CFH: variants seen among roughly 807,000 people sequenced by gnomAD.
CFH encodes the protein H factor 1 (complement).
Under a neutral mutation model 147.3 loss-of-function variants are expected in CFH, and 53 were observed. The ratio of observed to expected loss-of-function variants is 0.36; its 90% confidence interval spans 0.29 to 0.45. CFH has a LOEUF of 0.45. Among genes scored for constraint, CFH ranks in the 20% least tolerant of loss-of-function variants. The pLI is 1.00. For missense variants in CFH, 1,380 were observed against 1,498.0 expected (o/e 0.92, Z 1.30); for synonymous variants, 536 against 489.4 (o/e 1.10, Z -1.26).
intron 9 of CFH, among the ~76,000 whole-genome samples, chr1:196,692,084 T>C (rs1204799920): frequency 2.6e-5 from 4 of 152,012 alleles, no homozygotes; most frequent in Non-Finnish European, 5.9e-5. Flanking sequence ...GCACTATTAG[T>C]AAACAATTTT....
At chr1:196,698,095 G>A in intron 9 of CFH, among the ~76,000 whole-genome samples, 1 of 152,002 alleles carries the variant, frequency 6.6e-6, no homozygotes, top group East Asian at 1.9e-4. Context: ...CATGGCACAT[G>A]TATACATATG....
chr1:196,717,340 A>G (rs1668895161), intron 11 of CFH, among the ~76,000 whole-genome samples: 1 of 152,138 alleles, frequency 6.6e-6, no homozygotes, highest in Non-Finnish European at 1.5e-5. Flanking sequence ...TTAGCAGACT[A>G]AAATATTTAT....
intron 11 of CFH, among the ~76,000 whole-genome samples, chr1:196,719,527 T>G (rs1668948656): frequency 6.6e-6 from 1 of 151,978 alleles, no homozygotes; most frequent in Admixed American, 6.6e-5. Flanking sequence ...AGAATAGTTT[T>G]AAATCTAATT....
intron 6 of CFH, 35 bp downstream of exon 6, chr1:196,679,828 T>A: frequency 1.3e-6 from 2 of 1,557,064 alleles, no homozygotes; most frequent in Non-Finnish European, 1.8e-6. Flanking sequence ...TCTTTATAAA[T>A]TTATCACATA....
rs1668823832 is a variant in CFH, at chr1:196,714,701, A to AGAGAGAGAGAGAGAGAGAGG, written c.1519+802_1519+803insGGGAGAGAGAGAGAGAGAGA. The stretch of plus-strand genomic sequence containing the variant: ...GAGAGAGAGAGAGAGAGAGAGAGAG[A>AGAGAGAGAGAGAGAGAGAGG]GAGAGAGAGAGAGAGAGATGGAGTC... On this transcript the variant is annotated intron_variant, in intron 10 of 21. Coordinates refer to ENST00000367429, the MANE Select transcript of CFH (RefSeq NM_000186.4). 6.8e-4 allele frequency among the ~76,000 whole-genome samples: 47 copies of AGAGAGAGAGAGAGAGAGAGG among 69,244 alleles called. 4 individuals are homozygous for AGAGAGAGAGAGAGAGAGAGG. Among genetic ancestry groups the AGAGAGAGAGAGAGAGAGAGG allele is most frequent in the African/African-American group, 1.7e-3 (27 of 15,538 alleles). 45.4% of individuals were successfully genotyped at this position (69,244 alleles called of 152,430 possible). A position where few individuals can be genotyped will look rare whatever the true frequency, so the allele number is the denominator to read the frequency against.
intron 1 of CFH, among the ~76,000 whole-genome samples, chr1:196,668,304 T>G (rs1380983493): frequency 6.6e-6 from 1 of 152,218 alleles, no homozygotes; most frequent in Non-Finnish European, 1.5e-5. Flanking sequence ...CTATTTGCTT[T>G]CATTTTTGAA....
chr1:196,675,021 T>C (rs1667408353), intron 3 of CFH, among the ~76,000 whole-genome samples: 1 of 152,184 alleles, frequency 6.6e-6, no homozygotes. Flanking sequence ...CTTCAATCAT[T>C]ACTGCTGATC....
In CFH at chr1:196,728,424, A is replaced by C. The variant is rs1291226980; in HGVS notation, c.2315A>C (p.Asp772Ala). ...EEHLKNKKEFDHNSNIRYRCR... is the reference protein window; with the variant it reads ...EEHLKNKKEFAHNSNIRYRCR... Reference sequence around the variant, plus strand: ...CATTTAAAAAACAAGAAGGAATTCGATCATAATTCTAACATAAGGTACAGA... The same window carrying C: ...CATTTAAAAAACAAGAAGGAATTCGCTCATAATTCTAACATAAGGTACAGA... Residue 772 changes from aspartate to alanine, a missense_variant, in exon 15 of 22, where the codon GAT (aspartate) becomes GCT (alanine). Asp to Ala is a moderately radical substitution (Grantham distance 126). Around this residue, in one of 4 missense-constraint regions of CFH, gnomAD observed 830 missense variants for 821.4 expected, o/e 1.01. Transcript: ENST00000367429. 5.6e-6 allele frequency: 9 copies of C among 1,609,940 alleles called. No homozygotes were observed. The highest frequency in any genetic ancestry group is 7.6e-6 in the Non-Finnish European group (9 of 1,177,280).
intron 9 of CFH, among the ~76,000 whole-genome samples, chr1:196,711,351 A>G (rs1558171924): frequency 6.6e-6 from 1 of 152,090 alleles, no homozygotes; most frequent in Non-Finnish European, 1.5e-5. Flanking sequence ...CCATTCCACA[A>G]CTTTTGATAT....
In CFH at chr1:196,747,172, C is replaced by T. The variant is rs1164010446; in HGVS notation, c.3555C>T (p.Ala1185=). 6.2e-7 allele frequency: 1 copy of T among 1,613,584 alleles called. No homozygotes were observed. Among genetic ancestry groups the T allele is most frequent in the Non-Finnish European group, 8.5e-7 (1 of 1,179,806 alleles). The change falls in exon 22 of 22, where the codon GCC becomes GCT. Residue 1185 remains alanine (A), a synonymous_variant. Coordinates refer to ENST00000367429, the MANE Select transcript of CFH (RefSeq NM_000186.4). ...ENYNIALRWT[A]KQKLYSRTGE... ...ATAACATAGCATTAAGGTGGACAGC[C>T]AAACAGAAGCTTTATTCGAGAACAG...
intron 1 of CFH, among the ~76,000 whole-genome samples, chr1:196,654,414 G>T (rs1666612812): frequency 6.6e-6 from 1 of 151,990 alleles, no homozygotes; most frequent in Admixed American, 6.5e-5. Context: ...ATTTCCAATT[G>T]TGTAGGAACG....
chr1:196,730,697 G>A (rs996152134), intron 15 of CFH, among the ~76,000 whole-genome samples: 1 of 151,672 alleles, frequency 6.6e-6, no homozygotes. Context: ...TACTATTACT[G>A]TGTTGCAGTC....
intron 6 of CFH, among the ~76,000 whole-genome samples, chr1:196,682,383 T>C (rs1320439999): frequency 2.0e-5 from 3 of 151,874 alleles, no homozygotes; most frequent in Admixed American, 6.6e-5. Flanking sequence ...TTTAATAACA[T>C]GATGTATTTT....
chr1:196,660,995 A>G (rs1468191702), intron 1 of CFH, among the ~76,000 whole-genome samples: 1 of 152,218 alleles, frequency 6.6e-6, no homozygotes, highest in Admixed American at 6.5e-5. Flanking sequence ...AATAACCTGA[A>G]CATCATCAAA....
chr1:196,663,711 A>T (rs566503164), intron 1 of CFH, among the ~76,000 whole-genome samples: 1 of 152,304 alleles, frequency 6.6e-6, no homozygotes, highest in South Asian at 2.1e-4. Context: ...TCAGTGTGAG[A>T]CTACCTTAAG....
chr1:196,714,668 TAGAGAGAGAGAGAGAGAGAG>T (rs1205328020), intron 10 of CFH, among the ~76,000 whole-genome samples: 286 of 21,262 alleles, frequency 0.013, 4 homozygotes, highest in Middle Eastern at 0.036. Context: ...TATATATATA[TAGAGAGAGAGAGAGAGAGAG>T]AGAGAGAGAG....
At chr1:196,734,566 T>G (rs1284691493) in intron 15 of CFH, among the ~76,000 whole-genome samples, 1 of 152,032 alleles carries the variant, frequency 6.6e-6, no homozygotes, top group Non-Finnish European at 1.5e-5. Context: ...GGTCTCTGTT[T>G]ACTTTAGGGG....
At chr1:196,733,023 A>G (rs776928459) in intron 15 of CFH, among the ~76,000 whole-genome samples, 1 of 151,962 alleles carries the variant, frequency 6.6e-6, no homozygotes, top group Non-Finnish European at 1.5e-5. Context: ...GCAGATCTCT[A>G]TCATCTCCCA....
At position 196,726,900 on chromosome 1, in the gene CFH, G is replaced by A. The variant is rs144325643; in HGVS notation, c.2196G>A (p.Thr732=). ...SFTMIGHRSI[T]CIHGVWTQLP... ...CAATGATTGGACACAGATCAATTAC[G>A]TGTATTCATGGAGTATGGACCCAAC... is the stretch of plus-strand genomic sequence containing the variant. Residue 732 remains threonine (T), a synonymous_variant, in exon 14 of 22, where the codon ACG becomes ACA. Coordinates refer to ENST00000367429, the MANE Select transcript of CFH (RefSeq NM_000186.4). The A allele has an allele frequency of 5.9e-5, 95 of 1,613,638 alleles. No homozygotes were observed. The East Asian group carries it at 6.0e-4, about 10-fold the overall frequency.
Sources: allele counts gnomAD v4.1 joint callset (sites outside exome capture counted in the v4.1 genomes callset), GRCh38; gene constraint gnomAD v4.1.1; regional missense constraint gnomAD v4.1.1; transcripts MANE v1.5; gene names NCBI Gene and HGNC (gene_info 2026-07-23, HGNC 2026-07-21).